The following VMP1 variants were observed in gnomAD, a reference collection of about 807,000 sequenced individuals.
VMP1 encodes the protein vacuole membrane protein 1.
VMP1 carries 11 observed loss-of-function variants against 56.0 expected under a neutral mutation model. The ratio of observed to expected loss-of-function variants is 0.20; its 90% CI spans 0.12 to 0.32. VMP1 has a LOEUF of 0.32. Ranked by LOEUF, VMP1 falls within the 10% of genes least tolerant of loss-of-function variation. The pLI is 1.00. For synonymous variants in VMP1, 149 were observed against 165.0 expected (o/e 0.90, Z 0.74); for missense variants, 296 against 490.3 (o/e 0.60, Z 3.74).
chr17:59,741,549 C>T (rs899734308), intron 5 of VMP1, among the ~76,000 whole-genome samples: 7 of 151,862 alleles, frequency 4.6e-5, no homozygotes, highest in Non-Finnish European at 7.4e-5. Flanking sequence ...GAGTGTGGTA[C>T]GTTATTATGG....
chr17:59,764,929 T>C, intron 5 of VMP1, 42 bp from the exon 6 acceptor site: 1 of 1,413,576 alleles, frequency 7.1e-7, no homozygotes, highest in Non-Finnish European at 9.4e-7. Context: ...TTGATAATTT[T>C]TTAATAGTTC....
chr17:59,794,143 A>G (rs1314343229), intron 7 of VMP1, among the ~76,000 whole-genome samples: 1 of 147,964 alleles, frequency 6.8e-6, no homozygotes, highest in Non-Finnish European at 1.5e-5. Context: ...GATGGTCTCA[A>G]TCTCCTGACC....
At chr17:59,781,209 A>G (rs2036810834) in intron 7 of VMP1, among the ~76,000 whole-genome samples, 1 of 152,176 alleles carries the variant, frequency 6.6e-6, no homozygotes, top group South Asian at 2.1e-4. Context: ...AATGCTTTCA[A>G]TCATGAATTT....
At chr17:59,795,003 T>A (rs1015203038) in intron 7 of VMP1, among the ~76,000 whole-genome samples, 1 of 149,314 alleles carries the variant, frequency 6.7e-6, no homozygotes, top group African/African-American at 2.5e-5. Flanking sequence ...ATCTTTTTTT[T>A]TTTTTTTTTT....
chr17:59,808,966 C>A, intron 8 of VMP1, 90 bp downstream of exon 8: 7 of 1,017,038 alleles, frequency 6.9e-6, no homozygotes, highest in Non-Finnish European at 1.0e-5. Context: ...AAAGTGCTAT[C>A]ACTTTTATTG....
At chr17:59,758,757 AG>A (rs1377609740) in intron 5 of VMP1, among the ~76,000 whole-genome samples, 24 of 152,090 alleles carry the variant, frequency 1.6e-4, no homozygotes, top group Admixed American at 1.5e-3. Flanking sequence ...CCCTGAGCCT[AG>A]GAGTTTAAGC....
intron 5 of VMP1, among the ~76,000 whole-genome samples, chr17:59,744,215 C>G: frequency 6.6e-6 from 1 of 151,522 alleles, no homozygotes; most frequent in Non-Finnish European, 1.5e-5. Flanking sequence ...AATCTCTGCA[C>G]TTTGGGAGGC....
chr17:59,725,940 A>G (rs952503337), intron 1 of VMP1, among the ~76,000 whole-genome samples: 6 of 152,220 alleles, frequency 3.9e-5, no homozygotes, highest in African/African-American at 1.2e-4. Context: ...ATAAGTACGC[A>G]CTCATAGACC....
At chr17:59,739,005 C>A in intron 5 of VMP1, 58 bp downstream of exon 5, 1 of 1,337,350 alleles carries the variant, frequency 7.5e-7, no homozygotes, top group Non-Finnish European at 1.0e-6. Context: ...TTTATTGGTG[C>A]TTTTATGTCA....
intron 1 of VMP1, among the ~76,000 whole-genome samples, chr17:59,721,001 G>A (rs1233255635): frequency 2.0e-5 from 3 of 148,860 alleles, no homozygotes. Flanking sequence ...TTAAAGTAGA[G>A]AAGCTAACTT....
At chr17:59,801,079 C>CGAAA (rs1555623854) in intron 7 of VMP1, among the ~76,000 whole-genome samples, 5 of 27,342 alleles carry the variant, frequency 1.8e-4, no homozygotes, top group Admixed American at 9.5e-4. Context: ...GACTCCATCT[C>CGAAA]GAAAAAAAAA....
chr17:59,812,548 C>A (rs1043857665), intron 9 of VMP1, among the ~76,000 whole-genome samples: 4 of 152,106 alleles, frequency 2.6e-5, no homozygotes, highest in African/African-American at 9.7e-5. Flanking sequence ...CTTCTAAGGG[C>A]AGATCTCAAT....
Position 59,818,418 on chromosome 17 carries a change from A to G in VMP1, c.974+645A>G, listed in dbSNP as rs534274100. Among the ~76,000 whole-genome samples the G allele has an allele frequency of 2.6e-5, 4 of 152,242 alleles. No homozygotes were observed. In the South Asian group the frequency reaches 8.3e-4, roughly 32 times the overall value. On this transcript the variant is annotated intron_variant, in intron 10 of 11. Transcript: ENST00000262291. ...TAAGTAAGTCATGTTAGATGGCATA[A>G]TATTAACAAAATTTGTCAGGTCTCT...
chr17:59,821,436 G>A (rs967455093), intron 10 of VMP1, among the ~76,000 whole-genome samples: 1 of 151,742 alleles, frequency 6.6e-6, no homozygotes, highest in African/African-American at 2.4e-5. Context: ...TAAATGAGTT[G>A]TGTCGTATTT....
intron 1 of VMP1, among the ~76,000 whole-genome samples, chr17:59,725,166 G>GATA (rs970989801): frequency 6.6e-6 from 1 of 151,656 alleles, no homozygotes; most frequent in African/African-American, 2.4e-5. Context: ...AAATAATAAT[G>GATA]ATAATAATAA....
intron 7 of VMP1, among the ~76,000 whole-genome samples, chr17:59,792,803 C>G (rs2037283858): frequency 6.6e-6 from 1 of 150,778 alleles, no homozygotes; most frequent in African/African-American, 2.4e-5. Flanking sequence ...GAGCCGAGAT[C>G]ACGCCATTGC....
intron 5 of VMP1, among the ~76,000 whole-genome samples, chr17:59,755,382 T>G (rs561199327): frequency 1.6e-4 from 25 of 152,126 alleles, no homozygotes; most frequent in African/African-American, 5.8e-4. Context: ...ACTGCTGGGA[T>G]TACAGGCGTG....
intron 1 of VMP1, among the ~76,000 whole-genome samples, chr17:59,721,759 A>G (rs1169651230): frequency 6.8e-6 from 1 of 147,910 alleles, no homozygotes; most frequent in Non-Finnish European, 1.5e-5. Flanking sequence ...CAATTCTGCA[A>G]TCTGGATACC....
chr17:59,791,594 C>G (rs1232902713), intron 7 of VMP1, among the ~76,000 whole-genome samples: 1 of 150,176 alleles, frequency 6.7e-6, no homozygotes, highest in East Asian at 2.0e-4. Context: ...CCTCAGCCTC[C>G]CTAGTAACTG....
Sources: gnomAD v4.1 joint callset for allele counts (sites outside exome capture counted in the v4.1 genomes callset) on GRCh38, gnomAD v4.1.1 for gene constraint, MANE v1.5 for transcripts, NCBI Gene and HGNC (gene_info 2026-07-23, HGNC 2026-07-21) for gene names.